BMAL1: variants seen among roughly 807,000 people sequenced by gnomAD.
The protein encoded by BMAL1 is basic helix-loop-helix ARNT like 1, also known as basic helix-loop-helix ARNT-like protein 1.
chr11:13,279,152 T>TG, the BMAL1 span, among the ~76,000 whole-genome samples: 2 of 152,370 alleles, frequency 1.3e-5, no homozygotes, highest in Admixed American at 1.3e-4. Context: ...CTTTGGCGCT[T>TG]GCGGTCTCTT....
chr11:13,303,271 G>A, the BMAL1 span, among the ~76,000 whole-genome samples: 1 of 152,138 alleles, frequency 6.6e-6, no homozygotes, highest in Non-Finnish European at 1.5e-5. Context: ...TCTGCAACAG[G>A]CTGAGAACTG....
the BMAL1 span, among the ~76,000 whole-genome samples, chr11:13,317,036 C>G: frequency 6.6e-6 from 1 of 152,112 alleles, no homozygotes; most frequent in Admixed American, 6.5e-5. Context: ...TTAGAATAAC[C>G]TTTATAAGGT....
the BMAL1 span, among the ~76,000 whole-genome samples, chr11:13,370,796 G>C: frequency 6.6e-6 from 1 of 152,010 alleles, no homozygotes; most frequent in Non-Finnish European, 1.5e-5. Flanking sequence ...TATTGTTCTT[G>C]AAGAAAAGCT....
the BMAL1 span, chr11:13,376,596 G>C: frequency 3.8e-6 from 6 of 1,593,658 alleles, no homozygotes; most frequent in African/African-American, 5.4e-5. Flanking sequence ...GCACAGTTCT[G>C]AGCAGGCCTG....
the BMAL1 span, chr11:13,277,215 C>G: frequency 2.0e-5 from 3 of 152,354 alleles, no homozygotes; most frequent in African/African-American, 7.2e-5. Flanking sequence ...TAGATGGAGC[C>G]GGAGGGAGAG....
chr11:13,346,658 T>C, the BMAL1 span, among the ~76,000 whole-genome samples: 1 of 152,210 alleles, frequency 6.6e-6, no homozygotes, highest in Admixed American at 6.5e-5. Context: ...CTGGGTGGAA[T>C]GGAGGGTGCC....
At chr11:13,343,350 G>C in the BMAL1 span, among the ~76,000 whole-genome samples, 5 of 152,096 alleles carry the variant, frequency 3.3e-5, no homozygotes, top group East Asian at 9.6e-4. Flanking sequence ...ATGGTTCCTG[G>C]GACTCCAAGT....
the BMAL1 span, chr11:13,378,504 T>A: frequency 0.19 from 300,015 of 1,556,934 alleles, 29,883 homozygotes; most frequent in Admixed American, 0.29. Flanking sequence ...AGGGAAATTT[T>A]TTCCCCCAGG....
At chr11:13,279,421 A>G in the BMAL1 span, among the ~76,000 whole-genome samples, 1 of 152,164 alleles carries the variant, frequency 6.6e-6, no homozygotes, top group Non-Finnish European at 1.5e-5. Context: ...TTAAATGACA[A>G]CTATTATTTT....
the BMAL1 span, among the ~76,000 whole-genome samples, chr11:13,353,000 G>A: frequency 1.3e-5 from 2 of 152,296 alleles, no homozygotes; most frequent in East Asian, 1.9e-4. Context: ...TTTAAAATAC[G>A]AGTTCTCAAA....
At chr11:13,321,441 T>A in the BMAL1 span, among the ~76,000 whole-genome samples, 25 of 152,292 alleles carry the variant, frequency 1.6e-4, no homozygotes, top group African/African-American at 5.5e-4. Flanking sequence ...CTTAGGTAGG[T>A]TAATATACTG....
chr11:13,279,884 T>G, the BMAL1 span, among the ~76,000 whole-genome samples: 1 of 152,228 alleles, frequency 6.6e-6, no homozygotes, highest in East Asian at 1.9e-4. Flanking sequence ...TTCAACCCTC[T>G]GAAGAACGAA....
the BMAL1 span, among the ~76,000 whole-genome samples, chr11:13,332,817 A>G: frequency 0.088 from 13,406 of 151,922 alleles, 719 homozygotes; most frequent in East Asian, 0.19. Context: ...GAACACTAAA[A>G]CCTTTGCCTG....
chr11:13,327,618 C>T, the BMAL1 span, among the ~76,000 whole-genome samples: 3 of 152,286 alleles, frequency 2.0e-5, no homozygotes, highest in East Asian at 5.8e-4. Flanking sequence ...GAACAGTTTC[C>T]GGTGGCTGAA....
the BMAL1 span, among the ~76,000 whole-genome samples, chr11:13,324,361 C>G: frequency 6.4e-5 from 9 of 140,978 alleles, no homozygotes; most frequent in East Asian, 1.8e-3. Context: ...TCTGCTCACT[C>G]CATTTCAGCT....
the BMAL1 span, among the ~76,000 whole-genome samples, chr11:13,328,076 A>C: frequency 6.6e-6 from 1 of 152,202 alleles, no homozygotes; most frequent in Non-Finnish European, 1.5e-5. Flanking sequence ...ATACGTATTC[A>C]CACATGAGAA....
the BMAL1 span, among the ~76,000 whole-genome samples, chr11:13,329,395 G>A: frequency 3.3e-5 from 5 of 152,212 alleles, no homozygotes; most frequent in African/African-American, 1.2e-4. Context: ...CATTTAGAGA[G>A]TGAGTTCCTG....
At chr11:13,295,859 C>G in the BMAL1 span, among the ~76,000 whole-genome samples, 3,018 of 152,244 alleles carry the variant, frequency 0.02, 108 homozygotes, top group African/African-American at 0.068. Context: ...CTGGTGTTTT[C>G]AGGGAACAAT....
chr11:13,377,347 G>A, the BMAL1 span, among the ~76,000 whole-genome samples: 1,016 of 152,238 alleles, frequency 6.7e-3, 9 homozygotes, highest in African/African-American at 0.024. Context: ...ATCCCAAGCT[G>A]ATTTTCTGCA....
Sources: allele counts gnomAD v4.1 joint callset (sites outside exome capture counted in the v4.1 genomes callset), GRCh38; gene constraint gnomAD v4.1.1; transcripts MANE v1.5; gene names NCBI Gene and HGNC (gene_info 2026-07-23, HGNC 2026-07-21).